CHST11: variants seen among roughly 807,000 people sequenced by gnomAD.
CHST11 encodes C4S-1.
Under a neutral mutation model 30.4 loss-of-function variants are expected in CHST11, and 9 were observed. The observed-to-expected ratio is 0.30, with a 90% CI of 0.18 to 0.52. The LOEUF is 0.52. CHST11 is among the 20% of genes least tolerant of loss of function. CHST11 has a pLI of 0.97. For missense variants in CHST11, 348 were observed against 460.6 expected (o/e 0.76, Z 2.24); for synonymous variants, 152 against 187.8 (o/e 0.81, Z 1.56).
chr12:104,479,160 A>C (rs1034191004), intron 1 of CHST11, among the ~76,000 whole-genome samples: 7 of 149,452 alleles, frequency 4.7e-5, no homozygotes, highest in Admixed American at 1.3e-4. Context: ...TGGTTTAAGC[A>C]AAAAAAAAGG....
intron 2 of CHST11, among the ~76,000 whole-genome samples, chr12:104,726,297 G>A (rs2040216147): frequency 6.6e-6 from 1 of 152,182 alleles, no homozygotes; most frequent in African/African-American, 2.4e-5. Flanking sequence ...GGGTGGTCTT[G>A]TAGGCCAGTG....
chr12:104,526,938 C>T (rs1001565073), intron 1 of CHST11, among the ~76,000 whole-genome samples: 4 of 152,204 alleles, frequency 2.6e-5, no homozygotes, highest in Non-Finnish European at 5.9e-5. Flanking sequence ...TCCGTGTTCT[C>T]CTCCCTGGGT....
intron 1 of CHST11, among the ~76,000 whole-genome samples, chr12:104,503,215 G>T (rs1216546294): frequency 6.6e-6 from 1 of 152,218 alleles, no homozygotes; most frequent in Non-Finnish European, 1.5e-5. Flanking sequence ...CTGCTGCCTG[G>T]CTGTATGACC....
chr12:104,571,155 G>A (rs979596225), intron 1 of CHST11, among the ~76,000 whole-genome samples: 1 of 139,446 alleles, frequency 7.2e-6, no homozygotes, highest in African/African-American at 2.7e-5. Flanking sequence ...TGTCTTTGGA[G>A]GACAGACAAT....
chr12:104,499,431 A>G (rs1441552024), intron 1 of CHST11, among the ~76,000 whole-genome samples: 2 of 152,086 alleles, frequency 1.3e-5, no homozygotes, highest in African/African-American at 2.4e-5. Context: ...GCTGTTCTCC[A>G]GCCCACCCTA....
chr12:104,564,897 C>T (rs1378511406), intron 1 of CHST11, among the ~76,000 whole-genome samples: 1 of 152,126 alleles, frequency 6.6e-6, no homozygotes, highest in East Asian at 1.9e-4. Flanking sequence ...TGCAGGGGAA[C>T]TGCCCTTTAT....
At position 104,514,166 on chromosome 12, in the gene CHST11, ACTC is replaced by A. The variant is rs2037997480; in HGVS notation, c.118+56639_118+56641del. ...AACAGCCTTCCTACAGCAGTTCCCT[ACTC>A]CAGGTGGCCACATAGGAGTTCCAGA... On this transcript the variant is annotated intron_variant, in intron 1 of 2. Transcript: ENST00000303694. 2.1e-5 allele frequency: 21 copies of A among 1,009,520 alleles called. No homozygotes were observed. The Admixed American group carries it at 3.6e-4, about 17-fold the overall frequency. The allele number at this position is 1,009,520 out of a possible 1,614,324, so 62.5% of individuals were successfully genotyped here. A position where few individuals can be genotyped will look rare whatever the true frequency, so the allele number is the denominator to read the frequency against.
intron 1 of CHST11, among the ~76,000 whole-genome samples, chr12:104,517,019 A>G (rs189160342): frequency 2.7e-4 from 41 of 151,882 alleles, no homozygotes; most frequent in Non-Finnish European, 4.6e-4. Flanking sequence ...AGCTCTCTTC[A>G]TGCATTCTCT....
chr12:104,548,155 C>T (rs1189204725), intron 1 of CHST11, among the ~76,000 whole-genome samples: 1 of 152,222 alleles, frequency 6.6e-6, no homozygotes, highest in Non-Finnish European at 1.5e-5. Context: ...TCTTATTCAC[C>T]TTTGGGCTGT....
At chr12:104,708,364 G>A (rs1211929499) in intron 2 of CHST11, among the ~76,000 whole-genome samples, 1 of 152,208 alleles carries the variant, frequency 6.6e-6, no homozygotes, top group Non-Finnish European at 1.5e-5. Context: ...GAGCAGGGTT[G>A]TCAAAGGCGC....
At chr12:104,494,472 G>A (rs898392625) in intron 1 of CHST11, among the ~76,000 whole-genome samples, 1 of 152,216 alleles carries the variant, frequency 6.6e-6, no homozygotes, top group African/African-American at 2.4e-5. Flanking sequence ...TGAGTTGGAG[G>A]CAGTTTCCCA....
intron 2 of CHST11, among the ~76,000 whole-genome samples, chr12:104,648,108 A>G (rs542103486): frequency 2.2e-4 from 33 of 152,338 alleles, no homozygotes; most frequent in Admixed American, 6.5e-4. Flanking sequence ...GTATGAATAC[A>G]AGGAGGTGAA....
chr12:104,713,835 C>G (rs553339114), intron 2 of CHST11, among the ~76,000 whole-genome samples: 1 of 152,366 alleles, frequency 6.6e-6, no homozygotes, highest in Non-Finnish European at 1.5e-5. Flanking sequence ...TGAGCAGAGG[C>G]TGCCTGAAGA....
chr12:104,558,263 A>C (rs2038476802), intron 1 of CHST11, among the ~76,000 whole-genome samples: 1 of 152,048 alleles, frequency 6.6e-6, no homozygotes, highest in Admixed American at 6.6e-5. Context: ...CCTGTCTGTG[A>C]CTTGAGGTAG....
intron 1 of CHST11, among the ~76,000 whole-genome samples, chr12:104,520,692 G>A (rs1387168613): frequency 6.6e-6 from 1 of 152,184 alleles, no homozygotes; most frequent in Non-Finnish European, 1.5e-5. Context: ...CTGGTGCAGT[G>A]AAGTGTTCTG....
At position 104,586,350 on chromosome 12, in the gene CHST11, G is replaced by A. The variant is rs78700431; in HGVS notation, c.119-15556G>A. On this transcript the variant is annotated intron_variant, in intron 1 of 2. Transcript: ENST00000303694. ...TTTTAAAAGGTTGTGTGGCCGGGAGGGACTGGAGCCCTGGGCGAGATGCCT... is the reference window on the plus strand; with the variant it reads ...TTTTAAAAGGTTGTGTGGCCGGGAGAGACTGGAGCCCTGGGCGAGATGCCT... 9.2e-3 allele frequency among the ~76,000 whole-genome samples: 1,401 copies of A among 152,346 alleles called. 10 individuals are homozygous for A. The highest frequency in any genetic ancestry group is 0.015 in the Non-Finnish European group (1,014 of 68,036).
intron 2 of CHST11, among the ~76,000 whole-genome samples, chr12:104,656,851 T>G (rs1006333198): frequency 1.3e-5 from 2 of 152,208 alleles, no homozygotes; most frequent in Admixed American, 1.3e-4. Context: ...AAGCTTTCAA[T>G]GACCCCATCT....
intron 1 of CHST11, among the ~76,000 whole-genome samples, chr12:104,509,849 C>A (rs2037945973): frequency 6.6e-6 from 1 of 152,192 alleles, no homozygotes; most frequent in African/African-American, 2.4e-5. Context: ...GCCCCAAAAT[C>A]TTGGTGAATG....
intron 2 of CHST11, among the ~76,000 whole-genome samples, chr12:104,699,126 A>T (rs1396995748): frequency 3.3e-5 from 5 of 152,220 alleles, no homozygotes; most frequent in Non-Finnish European, 5.9e-5. Flanking sequence ...GCCTCACCCT[A>T]GATCTAATGA....
Sources: allele counts gnomAD v4.1 joint callset (sites outside exome capture counted in the v4.1 genomes callset), GRCh38; gene constraint gnomAD v4.1.1; transcripts MANE v1.5; gene names NCBI Gene and HGNC (gene_info 2026-07-23, HGNC 2026-07-21).